DOCK8: variants seen among roughly 807,000 people sequenced by gnomAD.
DOCK8 encodes dedicator of cytokinesis protein 8.
Under a neutral mutation model 245.6 loss-of-function variants are expected in DOCK8, and 141 were observed. The observed-to-expected ratio is 0.57, with a 90% CI of 0.50 to 0.66. The LOEUF (loss-of-function observed/expected upper bound fraction) is 0.66. Among genes scored for constraint, DOCK8 ranks in the 30% least tolerant of loss-of-function variants. The probability of loss-of-function intolerance (pLI) is 0.00; values close to 1 mark genes in which losing one functional copy is unlikely to be tolerated. For synonymous variants in DOCK8, 1,168 were observed against 970.2 expected (o/e 1.20, Z -3.79); for missense variants, 2,965 against 2,603.4 (o/e 1.14, Z -3.02).
chr9:242,446 TGTTAAA>T (rs2047396716), intron 1 of DOCK8, among the ~76,000 whole-genome samples: 1 of 152,202 alleles, frequency 6.6e-6, no homozygotes, highest in Non-Finnish European at 1.5e-5. Context: ...TGTCTTGTTA[TGTTAAA>T]GGAAAAAGCT....
chr9:234,477 T>G lies in DOCK8; in HGVS notation c.53+19448T>G, dbSNP rs540230899. ...AGAATGGGGGACTTCTCCTGGATAATATCCTGCAGAGTGTTTTCCAACTTG... is the reference window on the plus strand; with the variant it reads ...AGAATGGGGGACTTCTCCTGGATAAGATCCTGCAGAGTGTTTTCCAACTTG... On this transcript the variant is annotated intron_variant, in intron 1 of 47. Coordinates refer to ENST00000432829, the MANE Select transcript of DOCK8 (RefSeq NM_203447.4). 2.6e-5 allele frequency among the ~76,000 whole-genome samples: 4 copies of G among 152,352 alleles called. No homozygotes were observed. The East Asian group carries it at 5.8e-4, about 22-fold the overall frequency.
At position 277,477 on chromosome 9, in the gene DOCK8, A is replaced by AGGGGAGGGGAGGGGAGGGGAGGGG. The variant is rs1402056488; in HGVS notation, c.156+5748_156+5749insGGGGAGGGGAGGGGAGGGGAGGGG. 6.1e-5 allele frequency among the ~76,000 whole-genome samples: 8 copies of AGGGGAGGGGAGGGGAGGGGAGGGG among 131,916 alleles called. 1 individual carries two copies. Among genetic ancestry groups the AGGGGAGGGGAGGGGAGGGGAGGGG allele is most frequent in the African/African-American group, 3.2e-4 (8 of 25,364 alleles). The allele number at this position is 131,916 out of a possible 152,430, so 86.5% of individuals were successfully genotyped here. Reference sequence around the variant, plus strand: ...AGAAAGAGAGAAGAGAAGAGAAGAGAAGAGAAGAGAAGACATACAAAAGAA... The same window carrying AGGGGAGGGGAGGGGAGGGGAGGGG: ...AGAAAGAGAGAAGAGAAGAGAAGAGAGGGGAGGGGAGGGGAGGGGAGGGGAGAGAAGAGAAGACATACAAAAGAA... On this transcript the variant is annotated intron_variant, in intron 2 of 47. Transcript: ENST00000432829.
intron 46 of DOCK8, among the ~76,000 whole-genome samples, chr9:455,809 C>CA (rs112268916): frequency 1.3e-5 from 2 of 150,938 alleles, no homozygotes; most frequent in African/African-American, 4.9e-5. Context: ...ATTTTAATGG[C>CA]AAAAAAAGAA....
At chr9:235,077 T>C (rs1034917893) in intron 1 of DOCK8, among the ~76,000 whole-genome samples, 2 of 152,178 alleles carry the variant, frequency 1.3e-5, no homozygotes, top group East Asian at 1.9e-4. Context: ...GGGTTTTTGG[T>C]GTGGATGTCC....
Position 442,024 on chromosome 9 carries a change from T to G in DOCK8, c.5490+15T>G, listed in dbSNP as rs1405440714. On this transcript the variant is annotated intron_variant, in intron 42 of 47. Transcript: ENST00000432829. Reference sequence around the variant, plus strand: ...ATAGACTAGAGGTAAGAAAAGTGATTCTGTGCGCCTGACCTGGTACACTTT... The same window carrying G: ...ATAGACTAGAGGTAAGAAAAGTGATGCTGTGCGCCTGACCTGGTACACTTT... 1 of 1,613,784 alleles carries G rather than the reference T, an allele frequency of 6.2e-7. No individual in the cohort carries two copies. The highest frequency in any genetic ancestry group is 2.2e-5 in the East Asian group (1 of 44,856).
intron 7 of DOCK8, among the ~76,000 whole-genome samples, chr9:323,194 T>A (rs913977709): frequency 6.8e-6 from 1 of 147,336 alleles, no homozygotes; most frequent in African/African-American, 2.5e-5. Context: ...GGTGGTAAAA[T>A]GTATGTAACA....
chr9:452,289 A>G (rs1243375231), intron 46 of DOCK8, among the ~76,000 whole-genome samples, 172 bp downstream of exon 46: 2 of 152,164 alleles, frequency 1.3e-5, no homozygotes, highest in Non-Finnish European at 2.9e-5. Context: ...TGTGCAGTTT[A>G]ACCCGCCCTC....
Position 464,529 on chromosome 9 carries a change from C to T in DOCK8, c.*310C>T, listed in dbSNP as rs572210281. ...CAGCTTCTCCTGCTGACTGGCCAATCACTGCCCATCTGAGAGATGATTTCC... is the reference window on the plus strand; with the variant it reads ...CAGCTTCTCCTGCTGACTGGCCAATTACTGCCCATCTGAGAGATGATTTCC... On this transcript the variant is annotated 3_prime_UTR_variant, in exon 48 of 48. Transcript: ENST00000432829. 87 of 458,218 alleles carry T rather than the reference C, an allele frequency of 1.9e-4. No individual in the cohort carries two copies. The highest frequency in any genetic ancestry group is 1.6e-3 in the African/African-American group (81 of 50,880). The allele number at this position is 458,218 out of a possible 1,614,324, so 28.4% of individuals were successfully genotyped here. A position where few individuals can be genotyped will look rare whatever the true frequency, so the allele number is the denominator to read the frequency against.
At chr9:414,990 GC>G in intron 29 of DOCK8, 39 bp downstream of exon 29, 1 of 1,611,150 alleles carries the variant, frequency 6.2e-7, no homozygotes, top group Non-Finnish European at 8.5e-7. Context: ...ATTGTTGGGG[GC>G]CCCTGCCAAA....
chr9:327,256 C>T (rs2050805746), intron 8 of DOCK8, among the ~76,000 whole-genome samples: 2 of 152,218 alleles, frequency 1.3e-5, no homozygotes, highest in South Asian at 4.1e-4. Flanking sequence ...AGTGCTGCTT[C>T]CATGAAAAGT....
chr9:344,829 C>T (rs532936404), intron 14 of DOCK8, among the ~76,000 whole-genome samples: 18 of 152,222 alleles, frequency 1.2e-4, no homozygotes, highest in Admixed American at 8.5e-4. Flanking sequence ...AGGTGAATCA[C>T]CTGAGTGAGG....
At chr9:295,355 G>A (rs534378833) in intron 4 of DOCK8, among the ~76,000 whole-genome samples, 1 of 152,234 alleles carries the variant, frequency 6.6e-6, no homozygotes, top group East Asian at 1.9e-4. Context: ...TAGTGCCCAT[G>A]ATGTAAAATC....
At chr9:432,028 T>A in intron 36 of DOCK8, 138 bp from the exon 37 acceptor site, 1 of 849,348 alleles carries the variant, frequency 1.2e-6, no homozygotes, top group South Asian at 1.5e-5. Flanking sequence ...TCCCATTTCA[T>A]TGAGAGAAGA....
rs773869274 is a variant in DOCK8, at chr9:432,209, C to A, written c.4670C>A (p.Ser1557Tyr). ...VKMQVTMSLA[S>Y]LVGRAPDFNE... is the part of the protein sequence containing the mutation. ...ATGCAAGTAACCATGTCCCTGGCAT[C>A]TTTGGTGGGAAGAGCACCAGACTTT... is the stretch of plus-strand genomic sequence containing the variant. Residue 1557 changes from serine (S) to tyrosine (Y), a missense_variant, in exon 37 of 48, where the codon TCT (serine) becomes TAT (tyrosine). Ser to Tyr is a moderately radical substitution (Grantham distance 144, BLOSUM62 -2). Transcript: ENST00000432829. 6.2e-7 allele frequency: 1 copy of A among 1,612,754 alleles called. No homozygotes were observed. Among genetic ancestry groups the A allele is most frequent in the Admixed American group, 1.7e-5 (1 of 59,870 alleles).
rs1268171943 is a variant in DOCK8 at position 400,947 on chromosome 9, T to TCTC, written c.3234+1689_3234+1690insTCC. Among the ~76,000 whole-genome samples the TCTC allele has an allele frequency of 1.1e-4, 3 of 28,554 alleles. 1 individual carries two copies. Among genetic ancestry groups the TCTC allele is most frequent in the Non-Finnish European group, 1.6e-4 (3 of 19,152 alleles). 18.7% of individuals were successfully genotyped at this position (28,554 alleles called of 152,430 possible). ...ATCACCACAACATCCACCACCACCA[T>TCTC]CACCACCACCACCACCACCTCCTCC... On this transcript the variant is annotated intron_variant, in intron 26 of 47. Transcript: ENST00000432829.
chr9:461,811 G>C (rs2057815004), intron 46 of DOCK8, among the ~76,000 whole-genome samples: 2 of 151,674 alleles, frequency 1.3e-5, no homozygotes, highest in African/African-American at 2.4e-5. Flanking sequence ...CAAAGTGCTG[G>C]GATTACAGGC....
At chr9:319,941 G>A (rs988833224) in intron 7 of DOCK8, among the ~76,000 whole-genome samples, 2 of 152,256 alleles carry the variant, frequency 1.3e-5, no homozygotes, top group South Asian at 4.1e-4. Flanking sequence ...TGCCCAGGCA[G>A]TTTCTTTTAA....
At chr9:383,121 C>T (rs1174552236) in intron 22 of DOCK8, among the ~76,000 whole-genome samples, 4 of 152,138 alleles carry the variant, frequency 2.6e-5, no homozygotes, top group Non-Finnish European at 4.4e-5. Context: ...AAGGAACAGC[C>T]GGGCATGGTG....
At chr9:253,102 G>T (rs1478713833) in intron 1 of DOCK8, among the ~76,000 whole-genome samples, 1 of 152,068 alleles carries the variant, frequency 6.6e-6, no homozygotes, top group Non-Finnish European at 1.5e-5. Flanking sequence ...TCCCACCATT[G>T]CTTTTTTGGG....
Sources: gnomAD v4.1 joint callset for allele counts (sites outside exome capture counted in the v4.1 genomes callset) on GRCh38, gnomAD v4.1.1 for gene constraint, MANE v1.5 for transcripts, NCBI Gene and HGNC (gene_info 2026-07-23, HGNC 2026-07-21) for gene names.